LRRC37A3: variants seen among roughly 807,000 people sequenced by gnomAD.
LRRC37A3 encodes leucine-rich repeat-containing protein 37A3.
LRRC37A3 carries 25 observed loss-of-function variants against 106.2 expected under a neutral mutation model. The observed-to-expected ratio is 0.24, with a 90% confidence interval of 0.17 to 0.33. LRRC37A3 has a LOEUF of 0.33. LRRC37A3 is among the 10% of genes least tolerant of loss of function. LRRC37A3 has a pLI of 1.00. For synonymous variants in LRRC37A3, 305 were observed against 635.8 expected (o/e 0.48, Z 7.83); for missense variants, 712 against 1,644.9 (o/e 0.43, Z 9.81).
chr17:64,912,598 A>C lies in LRRC37A3; in HGVS notation c.-496+6152T>G, dbSNP rs535060129. On this transcript the variant is annotated intron_variant, in intron 2 of 14. Transcript: ENST00000584306. ...AAAAAAGAAACAGAAGAAACCCCCCAAAAAAAGAAATAACCAGAAAACAAA... is the reference window on the plus strand; with the variant it reads ...AAAAAAGAAACAGAAGAAACCCCCCCAAAAAAGAAATAACCAGAAAACAAA... Among the ~76,000 whole-genome samples, 82 of 151,708 alleles carry C rather than the reference A, an allele frequency of 5.4e-4. 1 individual carries two copies. In the South Asian group the frequency reaches 0.012, roughly 23 times the overall value.
intron 8 of LRRC37A3, chr17:64,871,814 A>C (rs1216257986): frequency 6.6e-6 from 1 of 152,172 alleles, no homozygotes; most frequent in Non-Finnish European, 1.5e-5. Context: ...ATCATGTCGT[A>C]AGTGACATCA....
chr17:64,854,781 T>C, intron 14 of LRRC37A3, 137 bp from the exon 15 acceptor site: 1 of 1,611,644 alleles, frequency 6.2e-7, no homozygotes, highest in Non-Finnish European at 8.5e-7. Flanking sequence ...CTTGTCCTCA[T>C]TAGATGACTT....
At chr17:64,917,632 G>GCACTGTA (rs1285744125) in intron 2 of LRRC37A3, among the ~76,000 whole-genome samples, 1 of 151,894 alleles carries the variant, frequency 6.6e-6, no homozygotes, top group Non-Finnish European at 1.5e-5. Context: ...AATACATTAT[G>GCACTGTA]CACTGTACAC....
chr17:64,917,160 G>A (rs1442427740), intron 2 of LRRC37A3, among the ~76,000 whole-genome samples: 1 of 149,862 alleles, frequency 6.7e-6, no homozygotes, highest in Non-Finnish European at 1.5e-5. Context: ...GCAGGAGAAT[G>A]GCATGAACCC....
chr17:64,874,281 C>T (rs1425742078), intron 8 of LRRC37A3, among the ~76,000 whole-genome samples: 10 of 152,220 alleles, frequency 6.6e-5, no homozygotes, highest in Admixed American at 6.5e-5. Context: ...ATGTGAGGAG[C>T]GCCTCTGCCC....
chr17:64,881,773 C>A (rs754115560), intron 8 of LRRC37A3, among the ~76,000 whole-genome samples: 11 of 151,298 alleles, frequency 7.3e-5, no homozygotes, highest in South Asian at 2.1e-4. Flanking sequence ...CGTCTAGTGC[C>A]TAGCAATGCG....
intron 8 of LRRC37A3, among the ~76,000 whole-genome samples, chr17:64,877,439 C>T (rs560663442): frequency 5.3e-5 from 8 of 152,116 alleles, no homozygotes; most frequent in South Asian, 4.2e-4. Flanking sequence ...TGACCTCAGG[C>T]GATCTGCCTG....
intron 8 of LRRC37A3, among the ~76,000 whole-genome samples, chr17:64,884,452 G>A (rs1361490726): frequency 9.9e-5 from 15 of 151,392 alleles, no homozygotes; most frequent in African/African-American, 2.0e-4. Flanking sequence ...TGCAACCTCC[G>A]TCTCCTGGTT....
At chr17:64,913,337 G>GTTT (rs945846426) in intron 2 of LRRC37A3, among the ~76,000 whole-genome samples, 3 of 103,760 alleles carry the variant, frequency 2.9e-5, no homozygotes, top group Non-Finnish European at 4.5e-5. Context: ...CCTATTTTGG[G>GTTT]TTTTTTTTTT....
intron 9 of LRRC37A3, 37 bp from the exon 10 acceptor site, chr17:64,868,573 C>G: frequency 1.3e-6 from 2 of 1,570,928 alleles, no homozygotes; most frequent in Middle Eastern, 3.4e-4. Context: ...GATATGAGCC[C>G]CAATAAAAAA....
chr17:64,859,232 G>A (rs531600994), intron 12 of LRRC37A3, among the ~76,000 whole-genome samples: 31 of 152,226 alleles, frequency 2.0e-4, no homozygotes, highest in South Asian at 8.3e-4. Context: ...GATTACAGGC[G>A]TGAGCTACCA....
chr17:64,876,655 C>T (rs144396493), intron 8 of LRRC37A3, among the ~76,000 whole-genome samples: 1,885 of 152,138 alleles, frequency 0.012, 41 homozygotes, highest in African/African-American at 0.043. Context: ...ATATGAACTA[C>T]TGAATCTGAC....
intron 10 of LRRC37A3, among the ~76,000 whole-genome samples, chr17:64,866,801 T>TATATATATA (rs1305702496): frequency 2.5e-4 from 31 of 124,708 alleles, no homozygotes; most frequent in Middle Eastern, 3.8e-3. Context: ...TGGCTGATTT[T>TATATATATA]TATATATATA....
At chr17:64,870,083 A>ATTT (rs904361471) in intron 8 of LRRC37A3, among the ~76,000 whole-genome samples, 34 of 110,406 alleles carry the variant, frequency 3.1e-4, no homozygotes, top group Non-Finnish European at 4.1e-4. Flanking sequence ...CAGAGACCAC[A>ATTT]TTTTTTTTTT....
chr17:64,866,612 ATATATATATATATATATTTTTTTTTTTTT>A (rs1973099099), intron 10 of LRRC37A3, among the ~76,000 whole-genome samples: 1 of 21,382 alleles, frequency 4.7e-5, no homozygotes, highest in African/African-American at 2.7e-4. Context: ...ATATATATAT[ATATATATATATATATATTTTTTTTTTTTT>A]TTTTTTTTAG....
In LRRC37A3 at chr17:64,868,429, C is replaced by T. The variant is rs368780169; in HGVS notation, c.3053+33G>A. On this transcript the variant is annotated intron_variant, in intron 10 of 14. Coordinates refer to ENST00000584306, the MANE Select transcript of LRRC37A3 (RefSeq NM_199340.5). ...TAAAACAAACCTAAAGAAACAACTA[C>T]GTAAAAATAAATCTCGGAAAAAAAT... The T allele has an allele frequency of 7.1e-5, 114 of 1,608,506 alleles. No individual in the cohort carries two copies. The East Asian group carries it at 1.1e-3, about 16-fold the overall frequency.
intron 9 of LRRC37A3, 102 bp downstream of exon 9, chr17:64,868,992 TA>T: frequency 6.6e-7 from 1 of 1,509,382 alleles, no homozygotes. Context: ...AGTTAAAATT[TA>T]AATTATGACA....
At chr17:64,864,560 A>G (rs1241708504) in intron 10 of LRRC37A3, among the ~76,000 whole-genome samples, 2 of 152,106 alleles carry the variant, frequency 1.3e-5, no homozygotes, top group African/African-American at 4.8e-5. Flanking sequence ...TCAGAGAGAT[A>G]AAAACAATCC....
At chr17:64,916,532 T>C (rs1974704077) in intron 2 of LRRC37A3, among the ~76,000 whole-genome samples, 2 of 150,944 alleles carry the variant, frequency 1.3e-5, no homozygotes, top group African/African-American at 4.9e-5. Context: ...ATCTCAGCAC[T>C]TTGGGAGGCC....
Sources: gnomAD v4.1 joint callset for allele counts (sites outside exome capture counted in the v4.1 genomes callset) on GRCh38, gnomAD v4.1.1 for gene constraint, MANE v1.5 for transcripts, NCBI Gene and HGNC (gene_info 2026-07-23, HGNC 2026-07-21) for gene names.